The following CDK12 variants were observed in gnomAD, a reference collection of about 807,000 sequenced individuals.
CDK12 encodes the protein cyclin dependent kinase 12.
Under a neutral mutation model 133.8 loss-of-function variants are expected in CDK12, and 17 were observed. The ratio of observed to expected loss-of-function variants is 0.13; its 90% CI spans 0.09 to 0.19. The LOEUF (loss-of-function observed/expected upper bound fraction) is 0.19, where lower values mean the gene tolerates loss of function less well. Ranked by LOEUF, CDK12 falls within the 10% of genes least tolerant of loss-of-function variation. The pLI is 1.00. For missense variants in CDK12, 1,508 were observed against 1,818.7 expected (o/e 0.83, Z 3.11); for synonymous variants, 694 against 683.6 (o/e 1.02, Z -0.24).
chr17:39,567,094 C>G (rs1597750969), downstream of CDK12: 1 of 152,208 alleles, frequency 6.6e-6, no homozygotes, highest in African/African-American at 2.4e-5. Flanking sequence ...CAACTGTGAA[C>G]CAGGTACAAT....
At chr17:39,514,680 T>C (rs1357030297) in intron 8 of CDK12, among the ~76,000 whole-genome samples, 1 of 152,204 alleles carries the variant, frequency 6.6e-6, no homozygotes, top group Admixed American at 6.5e-5. Context: ...ATGGAAAAGT[T>C]ACAGGAATAG....
chr17:39,543,549 A>G (rs1461939812), upstream of CDK12, among the ~76,000 whole-genome samples: 1 of 152,212 alleles, frequency 6.6e-6, no homozygotes, highest in African/African-American at 2.4e-5. Context: ...GAAAGAGTTA[A>G]TGGGTCTAGG....
In CDK12 at chr17:39,526,847, C is replaced by A. The variant is rs553887514; in HGVS notation, c.3760+531C>A. On this transcript the variant is annotated intron_variant, in intron 13 of 13. Coordinates refer to ENST00000447079, the MANE Select transcript of CDK12 (RefSeq NM_016507.4). ...AGTAGATAATTAACACTATACATTT[C>A]TTTTCCCAAAAATAATAGTGTATAA... Among the ~76,000 whole-genome samples, 4 of 152,150 alleles carry A rather than the reference C, an allele frequency of 2.6e-5. No individual in the cohort carries two copies. In the South Asian group the frequency reaches 8.3e-4, roughly 31 times the overall value.
downstream of CDK12, among the ~76,000 whole-genome samples, chr17:39,565,904 C>T (rs538969725): frequency 1.1e-3 from 174 of 152,256 alleles, 1 homozygote; most frequent in Non-Finnish European, 2.1e-3. Flanking sequence ...CACTAGAAAA[C>T]CCCACACCTG....
chr17:39,548,044 TCACACAGAA>T (rs1173089259), upstream of CDK12, among the ~76,000 whole-genome samples: 3 of 152,188 alleles, frequency 2.0e-5, no homozygotes, highest in Non-Finnish European at 4.4e-5. Context: ...GGTTATCTGA[TCACACAGAA>T]CAGGCCTGCC....
At chr17:39,509,961 C>A (rs925589854) in intron 7 of CDK12, among the ~76,000 whole-genome samples, 200 bp downstream of exon 7, 1 of 151,830 alleles carries the variant, frequency 6.6e-6, no homozygotes, top group African/African-American at 2.4e-5. Context: ...GCCATCACAC[C>A]TGGCTAATTT....
intron 10 of CDK12, among the ~76,000 whole-genome samples, chr17:39,518,816 C>T (rs2053977182): frequency 6.6e-6 from 1 of 152,028 alleles, no homozygotes; most frequent in Non-Finnish European, 1.5e-5. Context: ...ACCTCAGCCT[C>T]CCAAAGAGCT....
At chr17:39,547,129 A>ATTT (rs34569985), upstream of CDK12, among the ~76,000 whole-genome samples, 718 of 90,412 alleles carry the variant, frequency 7.9e-3, 3 homozygotes, top group Middle Eastern at 0.016. Context: ...GAGTACTAGG[A>ATTT]TTTTTTTTTT....
upstream of CDK12, among the ~76,000 whole-genome samples, chr17:39,547,522 T>C (rs2055772276): frequency 6.6e-6 from 1 of 152,230 alleles, no homozygotes; most frequent in African/African-American, 2.4e-5. Flanking sequence ...ATGATTTATC[T>C]AGTGTCTATT....
chr17:39,516,646 C>G (rs544213289), intron 9 of CDK12, among the ~76,000 whole-genome samples: 1 of 150,066 alleles, frequency 6.7e-6, no homozygotes, highest in African/African-American at 2.5e-5. Context: ...GCCACCACAC[C>G]AGCCTAATGC....
intron 1 of CDK12, among the ~76,000 whole-genome samples, chr17:39,463,829 A>G (rs2049113956): frequency 6.6e-6 from 1 of 151,956 alleles, no homozygotes. Context: ...TGCCTTCTTT[A>G]TATTTTTGCG....
chr17:39,479,631 T>C (rs987369748), intron 2 of CDK12, among the ~76,000 whole-genome samples: 5 of 152,090 alleles, frequency 3.3e-5, no homozygotes, highest in African/African-American at 1.2e-4. Flanking sequence ...TTTTGTTTTT[T>C]GTTTTTTTCC....
At chr17:39,502,763 G>A (rs1598085423) in intron 6 of CDK12, among the ~76,000 whole-genome samples, 1 of 152,122 alleles carries the variant, frequency 6.6e-6, no homozygotes, top group African/African-American at 2.4e-5. Flanking sequence ...GACAGTGGGT[G>A]GGTGATCAAA....
chr17:39,488,539 A>G (rs1306353263), intron 2 of CDK12, among the ~76,000 whole-genome samples: 1 of 152,028 alleles, frequency 6.6e-6, no homozygotes, highest in Non-Finnish European at 1.5e-5. Context: ...ATCTTCGGCA[A>G]TTTATATTTT....
intron 2 of CDK12, among the ~76,000 whole-genome samples, chr17:39,486,934 G>A (rs1414499609): frequency 1.3e-5 from 2 of 152,118 alleles, no homozygotes; most frequent in African/African-American, 2.4e-5. Flanking sequence ...CTTGAACCCA[G>A]GAGGCAGAGG....
chr17:39,489,079 ATT>A (rs765325046), intron 2 of CDK12, among the ~76,000 whole-genome samples: 4 of 119,872 alleles, frequency 3.3e-5, no homozygotes, highest in Non-Finnish European at 7.1e-5. Context: ...CACCCAGTTA[ATT>A]TTTTTTTTTT....
downstream of CDK12, among the ~76,000 whole-genome samples, chr17:39,537,808 C>T (rs900288320): frequency 1.6e-4 from 24 of 152,080 alleles, no homozygotes; most frequent in Admixed American, 9.2e-4. Context: ...GTGATCCACC[C>T]GCCTCGGCCT....
At chr17:39,552,569 C>A (rs1246325791) in intron 2 of CDK12, among the ~76,000 whole-genome samples, 2 of 152,188 alleles carry the variant, frequency 1.3e-5, no homozygotes, top group African/African-American at 4.8e-5. Context: ...CCCTCTTTTT[C>A]ACCCTTTGTC....
chr17:39,494,773 C>CT (rs71147348), intron 5 of CDK12, 79 bp downstream of exon 5: 83,225 of 769,870 alleles, frequency 0.11, 263 homozygotes, highest in African/African-American at 0.13. Context: ...TTCTTTCTTT[C>CT]TTTTTTTTTT....
Sources: allele counts gnomAD v4.1 joint callset (sites outside exome capture counted in the v4.1 genomes callset), GRCh38; gene constraint gnomAD v4.1.1; transcripts MANE v1.5; gene names NCBI Gene and HGNC (gene_info 2026-07-23, HGNC 2026-07-21).